Variants in SHISA9 observed in about 807,000 individuals in gnomAD.
SHISA9 encodes shisa family member 9, also known as protein shisa-9.
In SHISA9, 13 loss-of-function variants were observed where a neutral mutation model predicts 38.0. That is an observed-to-expected ratio of 0.34 (90% CI 0.22 to 0.54). SHISA9 has a LOEUF of 0.54. Among genes scored for constraint, SHISA9 ranks in the 20% least tolerant of loss-of-function variants. The pLI, the probability that SHISA9 is intolerant of heterozygous loss-of-function variation, is 0.91. For missense variants in SHISA9, 538 were observed against 575.8 expected (o/e 0.93, Z 0.67); for synonymous variants, 275 against 242.0 (o/e 1.14, Z -1.27).
the SHISA9 span, among the ~76,000 whole-genome samples, chr16:13,495,430 CA>C: frequency 6.6e-6 from 1 of 151,842 alleles, no homozygotes; most frequent in African/African-American, 2.4e-5. Context: ...TAATATATAC[CA>C]AAGAATCCCA....
At chr16:13,152,189 C>T (rs755103505) in intron 2 of SHISA9, among the ~76,000 whole-genome samples, 3 of 152,260 alleles carry the variant, frequency 2.0e-5, no homozygotes, top group Non-Finnish European at 4.4e-5. Flanking sequence ...GAAAAGTCTA[C>T]CACTCCCTAG....
chr16:13,537,495 G>C, the SHISA9 span, among the ~76,000 whole-genome samples: 2 of 151,966 alleles, frequency 1.3e-5, no homozygotes, highest in African/African-American at 4.8e-5. Context: ...ATATTTTATA[G>C]GGGTGTAAGG....
chr16:13,139,091 T>C (rs1225764596), intron 2 of SHISA9, among the ~76,000 whole-genome samples: 1 of 152,196 alleles, frequency 6.6e-6, no homozygotes, highest in Non-Finnish European at 1.5e-5. Context: ...CACTGTGGCC[T>C]CAGAAATATC....
At chr16:13,548,719 C>A in the SHISA9 span, among the ~76,000 whole-genome samples, 1 of 151,934 alleles carries the variant, frequency 6.6e-6, no homozygotes, top group Non-Finnish European at 1.5e-5. Flanking sequence ...ACAAACACTG[C>A]CAGAGATGTG....
rs199927422 is a variant in SHISA9 at position 13,120,254 on chromosome 16, GT to G, written c.692-83138del. ...ACTCGCCCAGGAACCCCATGGGGCT[GT>G]TGATAGTAGTGCAGTGAAAGCTGAT... On this transcript the variant is annotated intron_variant, in intron 2 of 4. Transcript: ENST00000558583. Among the ~76,000 whole-genome samples, 1,110 of 152,346 alleles carry G rather than the reference GT, an allele frequency of 7.3e-3. 15 individuals carry two copies. The highest frequency in any genetic ancestry group is 0.025 in the African/African-American group (1,050 of 41,580).
the SHISA9 span, among the ~76,000 whole-genome samples, chr16:13,447,523 C>A: frequency 5.9e-5 from 9 of 152,304 alleles, no homozygotes; most frequent in East Asian, 1.5e-3. Context: ...ACCTGCTAGA[C>A]CCACTACAGA....
intron 2 of SHISA9, among the ~76,000 whole-genome samples, chr16:12,918,666 T>C (rs1408462132): frequency 2.0e-5 from 3 of 152,188 alleles, no homozygotes; most frequent in Non-Finnish European, 4.4e-5. Flanking sequence ...TTGCGTTTGG[T>C]CTATATTTGT....
At chr16:13,397,880 C>T in the SHISA9 span, among the ~76,000 whole-genome samples, 2 of 152,162 alleles carry the variant, frequency 1.3e-5, no homozygotes, top group Non-Finnish European at 2.9e-5. Flanking sequence ...GACATATAGG[C>T]TTGGAGAATG....
chr16:13,089,337 C>A (rs924979291), intron 2 of SHISA9, among the ~76,000 whole-genome samples: 1 of 152,010 alleles, frequency 6.6e-6, no homozygotes, highest in Non-Finnish European at 1.5e-5. Flanking sequence ...GGGAGGATTC[C>A]CTCTTTTTCT....
intron 2 of SHISA9, among the ~76,000 whole-genome samples, chr16:13,037,884 C>T (rs7184906): frequency 0.058 from 8,866 of 152,232 alleles, 498 homozygotes; most frequent in East Asian, 0.18. Context: ...CTGACTACTC[C>T]ACCAGTTTCT....
At chr16:12,958,336 G>A (rs2071863979) in intron 2 of SHISA9, among the ~76,000 whole-genome samples, 1 of 152,154 alleles carries the variant, frequency 6.6e-6, no homozygotes, top group Non-Finnish European at 1.5e-5. Context: ...GGACATCCTT[G>A]TACTTCCAAC....
At chr16:12,973,903 C>T (rs796880728) in intron 2 of SHISA9, among the ~76,000 whole-genome samples, 8 of 152,230 alleles carry the variant, frequency 5.3e-5, no homozygotes, top group South Asian at 4.1e-4. Flanking sequence ...GGATTAGTAA[C>T]GTATTCTTCA....
chr16:13,259,343 C>G, the SHISA9 span, among the ~76,000 whole-genome samples: 1 of 152,206 alleles, frequency 6.6e-6, no homozygotes, highest in Non-Finnish European at 1.5e-5. Context: ...TCCCTCCTGG[C>G]TGCTTTCACA....
At chr16:13,288,649 CTG>C in the SHISA9 span, among the ~76,000 whole-genome samples, 2 of 152,036 alleles carry the variant, frequency 1.3e-5, no homozygotes, top group Non-Finnish European at 2.9e-5. Context: ...GAAAAATTAG[CTG>C]TGTGTGGTCA....
the SHISA9 span, among the ~76,000 whole-genome samples, chr16:13,524,274 A>T: frequency 1.3e-3 from 191 of 152,158 alleles, no homozygotes; most frequent in African/African-American, 4.4e-3. Flanking sequence ...CTTGGGCTGG[A>T]CTCCACCACC....
the SHISA9 span, among the ~76,000 whole-genome samples, chr16:13,407,028 A>AT: frequency 7.5e-6 from 1 of 132,862 alleles, no homozygotes; most frequent in Admixed American, 8.6e-5. Flanking sequence ...AGATCGTGCC[A>AT]TTGCATGCCA....
intron 2 of SHISA9, among the ~76,000 whole-genome samples, chr16:12,976,772 C>G (rs532065605): frequency 1.3e-5 from 2 of 152,036 alleles, no homozygotes; most frequent in Non-Finnish European, 2.9e-5. Flanking sequence ...GTTGAGTTAG[C>G]CCTGCCCTAA....
chr16:13,067,641 G>C (rs374690079), intron 2 of SHISA9, among the ~76,000 whole-genome samples: 1 of 152,222 alleles, frequency 6.6e-6, no homozygotes, highest in Non-Finnish European at 1.5e-5. Context: ...ATGAGACCCT[G>C]TTTCAAAAAA....
the SHISA9 span, among the ~76,000 whole-genome samples, chr16:13,328,645 G>C: frequency 6.7e-6 from 1 of 148,462 alleles, no homozygotes; most frequent in Non-Finnish European, 1.5e-5. Flanking sequence ...CATATATATT[G>C]TATTTTTATC....
Sources: allele counts gnomAD v4.1 joint callset (sites outside exome capture counted in the v4.1 genomes callset), GRCh38; gene constraint gnomAD v4.1.1; transcripts MANE v1.5; gene names NCBI Gene and HGNC (gene_info 2026-07-23, HGNC 2026-07-21).